Variants in MTUS2 observed in about 807,000 individuals in gnomAD.
The protein encoded by MTUS2 is microtubule-associated tumor suppressor candidate 2.
Under a neutral mutation model 114.1 loss-of-function variants are expected in MTUS2, and 40 were observed. The observed-to-expected ratio is 0.35, with a 90% CI of 0.27 to 0.46. The LOEUF (loss-of-function observed/expected upper bound fraction) is 0.46. MTUS2 is among the 20% of genes least tolerant of loss of function. The probability of loss-of-function intolerance (pLI) is 1.00; values close to 1 mark genes in which losing one functional copy is unlikely to be tolerated. For missense variants in MTUS2, 1,679 were observed against 1,705.4 expected, an observed-to-expected ratio of 0.98 and a Z score of 0.27; for synonymous variants, 688 against 672.0, an observed-to-expected ratio of 1.02 and a Z score of -0.37.
intron 5 of MTUS2, among the ~76,000 whole-genome samples, chr13:29,245,396 G>C (rs796651983): frequency 2.6e-5 from 4 of 152,186 alleles, no homozygotes; most frequent in African/African-American, 9.7e-5. Flanking sequence ...GGGTAGGCAA[G>C]AAAGTGCAAG....
intron 2 of MTUS2, among the ~76,000 whole-genome samples, chr13:28,971,985 C>G (rs1242808120): frequency 6.6e-6 from 1 of 152,148 alleles, no homozygotes; most frequent in Non-Finnish European, 1.5e-5. Context: ...TGCTAATAGC[C>G]AAGGGTGAAA....
intron 2 of MTUS2, among the ~76,000 whole-genome samples, chr13:28,926,272 C>G (rs1310395773): frequency 6.6e-6 from 1 of 152,090 alleles, no homozygotes; most frequent in African/African-American, 2.4e-5. Context: ...GATGTTAATA[C>G]CAGATGAGTA....
Position 29,505,458 on chromosome 13 carries a change from TG to T in MTUS2, c.*2253del, listed in dbSNP as rs67543918. On this transcript the variant is annotated 3_prime_UTR_variant, in exon 16 of 16. Coordinates refer to ENST00000612955, the MANE Select transcript of MTUS2 (RefSeq NM_001033602.4). ...TCCACGTGGCCCTGGCTTCGTGGTTTGTTTGTTTTTTTTCTTTTGTTACGGA... is the reference window on the plus strand; with the variant it reads ...TCCACGTGGCCCTGGCTTCGTGGTTTTTTGTTTTTTTTCTTTTGTTACGGA... 85,993 of 213,304 alleles carry T rather than the reference TG, an allele frequency of 0.4. 16,039 individuals are homozygous for T. Among genetic ancestry groups the T allele is most frequent in the Non-Finnish European group, 0.49 (52,725 of 106,726 alleles). 13.2% of individuals were successfully genotyped at this position (213,304 alleles called of 1,614,324 possible). A position where few individuals can be genotyped will look rare whatever the true frequency, so the allele number is the denominator to read the frequency against.
intron 4 of MTUS2, among the ~76,000 whole-genome samples, chr13:29,065,094 G>T (rs1249134431): frequency 1.3e-5 from 2 of 152,316 alleles, no homozygotes; most frequent in Non-Finnish European, 2.9e-5. Context: ...ACATATGCAT[G>T]CATGTGTCTT....
At chr13:29,444,594 T>G (rs114645349) in intron 9 of MTUS2, among the ~76,000 whole-genome samples, 1 of 152,178 alleles carries the variant, frequency 6.6e-6, no homozygotes, top group South Asian at 2.1e-4. Flanking sequence ...AGCCCCCTTA[T>G]TAAGTACAGT....
At chr13:29,368,475 C>G (rs1175135200) in intron 8 of MTUS2, among the ~76,000 whole-genome samples, 1 of 151,966 alleles carries the variant, frequency 6.6e-6, no homozygotes, top group Non-Finnish European at 1.5e-5. Flanking sequence ...TTCAAAATAG[C>G]CAGAAGAGAA....
At chr13:29,311,703 A>G (rs1311072783) in intron 6 of MTUS2, among the ~76,000 whole-genome samples, 1 of 152,188 alleles carries the variant, frequency 6.6e-6, no homozygotes. Context: ...ACAGTTTAAC[A>G]TATTGTTTAC....
intron 4 of MTUS2, among the ~76,000 whole-genome samples, chr13:29,036,354 G>A (rs921142778): frequency 7.9e-5 from 12 of 152,226 alleles, no homozygotes; most frequent in African/African-American, 2.6e-4. Context: ...ATTATGTATT[G>A]TACATTTACC....
At chr13:28,846,426 A>G (rs943574383) in intron 2 of MTUS2, among the ~76,000 whole-genome samples, 1 of 152,210 alleles carries the variant, frequency 6.6e-6, no homozygotes, top group African/African-American at 2.4e-5. Flanking sequence ...TTTAACATCC[A>G]CCAGGACATA....
At chr13:29,107,251 C>G (rs915095956) in intron 5 of MTUS2, among the ~76,000 whole-genome samples, 14 of 152,190 alleles carry the variant, frequency 9.2e-5, no homozygotes, top group African/African-American at 3.1e-4. Flanking sequence ...TCCTCTCTCC[C>G]CTACAGACTA....
intron 5 of MTUS2, among the ~76,000 whole-genome samples, chr13:29,246,800 A>G (rs751786942): frequency 2.0e-5 from 3 of 152,160 alleles, no homozygotes; most frequent in African/African-American, 7.2e-5. Context: ...ATGGATGGGT[A>G]GAATCAATAT....
intron 2 of MTUS2, among the ~76,000 whole-genome samples, chr13:28,943,138 A>T (rs1464505116): frequency 6.6e-6 from 1 of 152,154 alleles, no homozygotes; most frequent in Non-Finnish European, 1.5e-5. Flanking sequence ...CAAGTTGCTT[A>T]GTTCCTTAAG....
rs558312253 is a variant in MTUS2 at position 28,866,871 on chromosome 13, ATATAT to A, written c.-243+27025_-243+27029del. ...CTCCTCGAAATATATATATTTAATA[ATATAT>A]TATGAGGATTGACTAAAATTATAAA... On this transcript the variant is annotated intron_variant, in intron 2 of 15. Transcript: ENST00000612955. Among the ~76,000 whole-genome samples, 271 of 152,186 alleles carry A rather than the reference ATATAT, an allele frequency of 1.8e-3. 1 individual carries two copies. The highest frequency in any genetic ancestry group is 5.8e-3 in the African/African-American group (242 of 41,516).
chr13:29,360,938 C>A (rs1377169504), intron 8 of MTUS2, among the ~76,000 whole-genome samples: 1 of 151,978 alleles, frequency 6.6e-6, no homozygotes, highest in Non-Finnish European at 1.5e-5. Context: ...CAGAACAAGC[C>A]CTTGATAAAG....
intron 4 of MTUS2, among the ~76,000 whole-genome samples, chr13:29,047,703 C>T (rs7989159): frequency 0.3 from 45,969 of 151,772 alleles, 7,625 homozygotes; most frequent in East Asian, 0.62. Flanking sequence ...TTAGTAGAGA[C>T]GGGATTTCAC....
chr13:29,087,085 G>A (rs1201280039), intron 4 of MTUS2, among the ~76,000 whole-genome samples: 1 of 152,060 alleles, frequency 6.6e-6, no homozygotes, highest in Admixed American at 6.5e-5. Flanking sequence ...CTATTTGGAT[G>A]CCTTTATTTA....
At position 29,321,763 on chromosome 13, in the gene MTUS2, A is replaced by G. The variant is rs148623262; in HGVS notation, c.2807-2850A>G. On this transcript the variant is annotated intron_variant, in intron 6 of 15. Coordinates refer to ENST00000612955, the MANE Select transcript of MTUS2 (RefSeq NM_001033602.4). ...ATTAAAATAAAAAGTAAAAGCTCCT[A>G]AATCCTACTGATTAGAAGTAACCAT... 3.1e-3 allele frequency among the ~76,000 whole-genome samples: 471 copies of G among 152,350 alleles called. 10 individuals carry two copies. Among genetic ancestry groups the G allele is most frequent in the Non-Finnish European group, 9.8e-4 (67 of 68,034 alleles).
At chr13:29,211,686 A>G (rs1895446074) in intron 5 of MTUS2, among the ~76,000 whole-genome samples, 1 of 151,986 alleles carries the variant, frequency 6.6e-6, no homozygotes, top group Non-Finnish European at 1.5e-5. Context: ...TTAGCTCCCT[A>G]TAAGGTCAAA....
chr13:28,987,408 G>A (rs760025876), intron 2 of MTUS2, among the ~76,000 whole-genome samples: 25 of 152,150 alleles, frequency 1.6e-4, no homozygotes, highest in Non-Finnish European at 2.5e-4. Flanking sequence ...ACTAGAGGGG[G>A]AGAAAGCTGG....
Sources: allele counts gnomAD v4.1 joint callset (sites outside exome capture counted in the v4.1 genomes callset), GRCh38; gene constraint gnomAD v4.1.1; transcripts MANE v1.5; gene names NCBI Gene and HGNC (gene_info 2026-07-23, HGNC 2026-07-21).